The following DENND1B variants were observed in gnomAD, a reference collection of about 807,000 sequenced individuals.
The protein encoded by DENND1B is DENN domain-containing protein 1B.
A neutral mutation model predicts 90.1 loss-of-function variants in DENND1B; 59 were observed. That is an observed-to-expected ratio of 0.65 (90% CI 0.53 to 0.81). The LOEUF is 0.81. Ranked by LOEUF, DENND1B falls within the 40% of genes least tolerant of loss-of-function variation. The probability of loss-of-function intolerance (pLI) is 0.00; values close to 1 mark genes in which losing one functional copy is unlikely to be tolerated. For missense variants in DENND1B, 862 were observed against 912.6 expected, an observed-to-expected ratio of 0.94 and a Z score of 0.71; for synonymous variants, 337 against 324.6, an observed-to-expected ratio of 1.04 and a Z score of -0.41.
chr1:197,770,739 T>A (rs1221109116), intron 2 of DENND1B, among the ~76,000 whole-genome samples: 1 of 138,540 alleles, frequency 7.2e-6, no homozygotes, highest in Admixed American at 7.5e-5. Flanking sequence ...TATATATAAA[T>A]ATATATATCT....
At chr1:197,746,765 T>A in intron 2 of DENND1B, 4 of 1,412,482 alleles carry the variant, frequency 2.8e-6, no homozygotes, top group Non-Finnish European at 4.0e-6. Flanking sequence ...ATATCCCATG[T>A]CACTTTGGGT....
chr1:197,693,483 T>C (rs1479834628), intron 3 of DENND1B, among the ~76,000 whole-genome samples: 1 of 151,670 alleles, frequency 6.6e-6, no homozygotes, highest in Admixed American at 6.6e-5. Flanking sequence ...TGAAATATCA[T>C]ACCTAACATT....
chr1:197,700,219 T>C (rs1411853480), intron 3 of DENND1B, among the ~76,000 whole-genome samples: 3 of 152,172 alleles, frequency 2.0e-5, no homozygotes, highest in Non-Finnish European at 4.4e-5. Context: ...CTTCAGACTG[T>C]ATTACAAGGC....
chr1:197,644,177 T>A (rs1024189898), intron 9 of DENND1B, among the ~76,000 whole-genome samples: 1 of 152,224 alleles, frequency 6.6e-6, no homozygotes, highest in Admixed American at 6.5e-5. Context: ...TATTCAAGAT[T>A]AGTATATTTC....
intron 10 of DENND1B, among the ~76,000 whole-genome samples, chr1:197,638,945 A>G (rs1267722062): frequency 2.0e-5 from 3 of 152,248 alleles, no homozygotes; most frequent in Non-Finnish European, 4.4e-5. Context: ...TACTAACACA[A>G]TACCACACTT....
intron 10 of DENND1B, among the ~76,000 whole-genome samples, chr1:197,634,739 G>A (rs1679624400): frequency 1.3e-5 from 2 of 152,210 alleles, no homozygotes; most frequent in African/African-American, 2.4e-5. Flanking sequence ...TGTGATCCCA[G>A]CAACTTTGGG....
At chr1:197,734,800 CT>C (rs997520099) in intron 2 of DENND1B, 327 of 972,120 alleles carry the variant, frequency 3.4e-4, no homozygotes, top group Non-Finnish European at 3.7e-4. Context: ...CATAAATATG[CT>C]TTTTTTTTAA....
At chr1:197,541,750 G>A (rs753481152) in intron 18 of DENND1B, among the ~76,000 whole-genome samples, 1 of 152,200 alleles carries the variant, frequency 6.6e-6, no homozygotes, top group Non-Finnish European at 1.5e-5. Flanking sequence ...ATATATGACT[G>A]TGTGCTGGGT....
intron 2 of DENND1B, among the ~76,000 whole-genome samples, chr1:197,727,442 G>A (rs111238846): frequency 0.074 from 11,184 of 151,810 alleles, 517 homozygotes; most frequent in Non-Finnish European, 0.097. Flanking sequence ...GGCTGAGGCA[G>A]GAAAATGGCG....
At chr1:197,577,423 G>A (rs1673782353) in intron 15 of DENND1B, among the ~76,000 whole-genome samples, 1 of 152,094 alleles carries the variant, frequency 6.6e-6, no homozygotes, top group Non-Finnish European at 1.5e-5. Context: ...CTGCCATGGG[G>A]GGCACTCTGT....
intron 3 of DENND1B, among the ~76,000 whole-genome samples, chr1:197,697,832 A>G (rs1007898226): frequency 3.9e-5 from 6 of 152,136 alleles, no homozygotes; most frequent in African/African-American, 9.6e-5. Context: ...AGGGCATTAC[A>G]TAATGGTAAA....
intron 3 of DENND1B, among the ~76,000 whole-genome samples, chr1:197,691,106 T>G (rs1490476203): frequency 6.6e-6 from 1 of 151,868 alleles, no homozygotes; most frequent in Non-Finnish European, 1.5e-5. Flanking sequence ...AATAGACAAG[T>G]GGAATTACAT....
chr1:197,679,898 C>G (rs1656498001), intron 3 of DENND1B, among the ~76,000 whole-genome samples: 1 of 150,050 alleles, frequency 6.7e-6, no homozygotes, highest in Admixed American at 6.7e-5. Flanking sequence ...ACCTGTAATC[C>G]CAGCACTTTA....
chr1:197,586,255 TA>T (rs1230630108), intron 14 of DENND1B, among the ~76,000 whole-genome samples: 5 of 152,164 alleles, frequency 3.3e-5, no homozygotes, highest in Non-Finnish European at 7.4e-5. Context: ...AGCCAGATAT[TA>T]AAGAGATCTG....
intron 3 of DENND1B, among the ~76,000 whole-genome samples, chr1:197,676,082 C>A (rs117177599): frequency 8.8e-3 from 1,009 of 114,696 alleles, no homozygotes; most frequent in Non-Finnish European, 9.1e-3. Context: ...ACAGTATAGA[C>A]AAAAAAAAAA....
At chr1:197,704,688 A>T (rs1311780815) in intron 3 of DENND1B, among the ~76,000 whole-genome samples, 1 of 152,214 alleles carries the variant, frequency 6.6e-6, no homozygotes, top group Non-Finnish European at 1.5e-5. Flanking sequence ...GGGTACTAAC[A>T]ACTCCATGTT....
intron 17 of DENND1B, 109 bp downstream of exon 17, chr1:197,546,624 C>A: frequency 2.1e-6 from 2 of 959,934 alleles, no homozygotes; most frequent in Non-Finnish European, 1.5e-6. Context: ...AATATACAAA[C>A]ATTTCAAATA....
intron 11 of DENND1B, among the ~76,000 whole-genome samples, chr1:197,615,081 T>C (rs926086537): frequency 6.6e-6 from 1 of 151,094 alleles, no homozygotes; most frequent in Non-Finnish European, 1.5e-5. Flanking sequence ...CATGGTCCTT[T>C]GTATGCCTAT....
chr1:197,709,813 T>C (rs1344064345), intron 3 of DENND1B, among the ~76,000 whole-genome samples: 10 of 141,560 alleles, frequency 7.1e-5, no homozygotes, highest in Non-Finnish European at 1.5e-5. Context: ...CACCCATCAG[T>C]GTGCTGTATT....
Sources: gnomAD v4.1 joint callset for allele counts (sites outside exome capture counted in the v4.1 genomes callset) on GRCh38, gnomAD v4.1.1 for gene constraint, MANE v1.5 for transcripts, NCBI Gene and HGNC (gene_info 2026-07-23, HGNC 2026-07-21) for gene names.